Variants in SNX9 observed in about 807,000 individuals in gnomAD.
SNX9 encodes the protein sorting nexin 9.
Under a neutral mutation model 89.4 loss-of-function variants are expected in SNX9, and 44 were observed. The observed-to-expected ratio is 0.49, with a 90% CI of 0.39 to 0.63. The LOEUF (loss-of-function observed/expected upper bound fraction) is 0.63. Ranked by LOEUF, SNX9 falls within the 30% of genes least tolerant of loss-of-function variation. The pLI is 0.00. For synonymous variants in SNX9, 236 were observed against 247.8 expected (o/e 0.95, Z 0.45); for missense variants, 578 against 736.1 (o/e 0.79, Z 2.49).
chr6:157,924,037 A>G lies in SNX9; in HGVS notation c.1080+2376A>G, dbSNP rs374403452. ...ATATGGCGAAACCCTGTCTCTACTAAAAATACAAAAATTCGCCAGGTGTGG... is the reference window on the plus strand; with the variant it reads ...ATATGGCGAAACCCTGTCTCTACTAGAAATACAAAAATTCGCCAGGTGTGG... On this transcript the variant is annotated intron_variant, in intron 10 of 17. Coordinates refer to ENST00000392185, the MANE Select transcript of SNX9 (RefSeq NM_016224.5). 1.2e-4 allele frequency among the ~76,000 whole-genome samples: 19 copies of G among 152,260 alleles called. No homozygotes were observed. The East Asian group carries it at 1.5e-3, about 12-fold the overall frequency.
chr6:157,869,851 C>CCACA (rs140858108), intron 2 of SNX9, among the ~76,000 whole-genome samples: 2 of 152,026 alleles, frequency 1.3e-5, no homozygotes, highest in African/African-American at 4.8e-5. Flanking sequence ...ATGCATACCC[C>CCACA]CACACACACT....
chr6:157,927,121 C>G lies in SNX9; in HGVS notation c.1091C>G (p.Thr364Ser), dbSNP rs1431540916. Residue 364 changes from threonine (T) to serine (S), a missense_variant, in exon 11 of 18, where the codon ACT becomes AGT. Thr to Ser is a moderately conservative substitution (Grantham distance 58). Around this residue, in one of 2 missense-constraint regions of SNX9, gnomAD observed 348 missense variants for 491.4 expected, o/e 0.71. Transcript: ENST00000392185. ...LNFRDEKEWK[T>S]GKRKAERDEL... is the part of the protein sequence containing the mutation. ...CATTCTCATTTACAGGAATGGAAAACTGGAAAGAGGAAGGCCGAGAGAGAT... is the reference window on the plus strand; with the variant it reads ...CATTCTCATTTACAGGAATGGAAAAGTGGAAAGAGGAAGGCCGAGAGAGAT... 1 of 1,613,840 alleles carries G rather than the reference C, an allele frequency of 6.2e-7. No individual in the cohort carries two copies. The highest frequency in any genetic ancestry group is 1.7e-5 in the Admixed American group (1 of 60,024).
chr6:157,919,001 GA>G (rs1013717024), intron 9 of SNX9, among the ~76,000 whole-genome samples: 3 of 151,870 alleles, frequency 2.0e-5, no homozygotes, highest in Non-Finnish European at 4.4e-5. Flanking sequence ...AAACAAATTA[GA>G]AAAAAATATA....
intron 16 of SNX9, 37 bp downstream of exon 16, chr6:157,938,784 G>GC: frequency 6.7e-7 from 1 of 1,496,020 alleles, no homozygotes; most frequent in Non-Finnish European, 9.2e-7. Flanking sequence ...GCTGGTGGAA[G>GC]TTTTTTTTTC....
chr6:157,867,629 A>G lies in SNX9; in HGVS notation c.95A>G (p.Asn32Ser), dbSNP rs1782294139. 6.2e-7 allele frequency: 1 copy of G among 1,610,248 alleles called. No homozygotes were observed. Among genetic ancestry groups the G allele is most frequent in the Non-Finnish European group, 8.5e-7 (1 of 1,177,346 alleles). The change falls in exon 2 of 18, where the codon AAT (asparagine) becomes AGT (serine). Residue 32 changes from asparagine (N) to serine (S), a missense_variant. Transcript: ENST00000392185. Reference protein sequence around the residue: ...VNEGEIITITNPDVGGGWLEG... With the variant: ...VNEGEIITITSPDVGGGWLEG... The stretch of plus-strand genomic sequence containing the variant: ...GAAGGAGAAATCATCACAATCACAA[A>G]TCCGGTAAGAGAACTGTACATTCGA...
At chr6:157,911,281 G>T (rs2115180923) in intron 9 of SNX9, among the ~76,000 whole-genome samples, 1 of 152,278 alleles carries the variant, frequency 6.6e-6, no homozygotes, top group South Asian at 2.1e-4. Flanking sequence ...AGAGAGGCCT[G>T]TAAGAGATGT....
At position 157,945,017 on chromosome 6, in the gene SNX9, C is replaced by G. The variant is rs1418317310; in HGVS notation, c.*2179C>G. ...TTTGATTTTTAATGATTTGTATCAACCTGTAGGTACCACAGAAGAGCTGTA... is the reference window on the plus strand; with the variant it reads ...TTTGATTTTTAATGATTTGTATCAAGCTGTAGGTACCACAGAAGAGCTGTA... On this transcript the variant is annotated 3_prime_UTR_variant, in exon 18 of 18. Coordinates refer to ENST00000392185, the MANE Select transcript of SNX9 (RefSeq NM_016224.5). 6.6e-6 allele frequency: 1 copy of G among 152,138 alleles called. No individual in the cohort carries two copies. The highest frequency in any genetic ancestry group is 1.5e-5 in the Non-Finnish European group (1 of 68,032). 9.4% of individuals were successfully genotyped at this position (152,138 alleles called of 1,614,324 possible).
At chr6:157,828,618 C>G (rs35581170) in intron 1 of SNX9, among the ~76,000 whole-genome samples, 192 of 152,108 alleles carry the variant, frequency 1.3e-3, no homozygotes, top group Non-Finnish European at 2.3e-3. Context: ...CTCAGTCTCC[C>G]AAGTAGCTGG....
At chr6:157,828,342 A>G (rs3805761) in intron 1 of SNX9, among the ~76,000 whole-genome samples, 1 of 152,082 alleles carries the variant, frequency 6.6e-6, no homozygotes, top group East Asian at 1.9e-4. Flanking sequence ...TTTTATATTG[A>G]CCATCTGAAA....
At chr6:157,863,353 G>C (rs1782187029) in intron 1 of SNX9, among the ~76,000 whole-genome samples, 1 of 152,252 alleles carries the variant, frequency 6.6e-6, no homozygotes, top group Non-Finnish European at 1.5e-5. Context: ...GCATTGAATG[G>C]AGAGCTTTGA....
intron 4 of SNX9, among the ~76,000 whole-genome samples, chr6:157,894,449 T>C (rs1435953013): frequency 9.2e-6 from 1 of 108,272 alleles, no homozygotes; most frequent in Non-Finnish European, 1.8e-5. Flanking sequence ...TCCAGACAGA[T>C]ACAAGATTTA....
chr6:157,867,450 T>G, intron 1 of SNX9, 97 bp from the exon 2 acceptor site: 2 of 923,368 alleles, frequency 2.2e-6, no homozygotes, highest in Non-Finnish European at 3.4e-6. Flanking sequence ...CTATCATGTT[T>G]GTACCAGCAT....
chr6:157,871,773 CTTTTT>C (rs750179923), intron 2 of SNX9, among the ~76,000 whole-genome samples: 1 of 122,214 alleles, frequency 8.2e-6, no homozygotes. Context: ...TCAGTCTTAC[CTTTTT>C]TTTTTTTTTT....
At chr6:157,863,862 T>C (rs1782197107) in intron 1 of SNX9, among the ~76,000 whole-genome samples, 1 of 152,234 alleles carries the variant, frequency 6.6e-6, no homozygotes, top group Admixed American at 6.5e-5. Context: ...TCAATATGTT[T>C]TTTTATTGAC....
In SNX9 at chr6:157,873,171, G is replaced by C. The variant is rs557822765; in HGVS notation, c.169G>C (p.Val57Leu). 6.3e-7 allele frequency: 1 copy of C among 1,588,236 alleles called. No individual in the cohort carries two copies. ...GERGLVPTDY[V>L]EILPSDGKDQ... ...ACGAGGGCTGGTTCCCACAGACTAC[G>C]TTGAAGTAAGAGCTTCCTGTCATTC... The change falls in exon 3 of 18, where the codon GTT becomes CTT. Residue 57 changes from valine to leucine, a missense_variant. Physicochemically the swap from Val to Leu is conservative, Grantham distance 32. This residue lies in a region of SNX9 where 230 missense variants were observed against 244.7 expected (regional missense o/e 0.94). Coordinates refer to ENST00000392185, the MANE Select transcript of SNX9 (RefSeq NM_016224.5).
chr6:157,875,939 G>A (rs1246665732), intron 4 of SNX9, among the ~76,000 whole-genome samples: 1 of 151,406 alleles, frequency 6.6e-6, no homozygotes, highest in Non-Finnish European at 1.5e-5. Context: ...GCTGGAGTTC[G>A]AGACAAGCCT....
intron 9 of SNX9, among the ~76,000 whole-genome samples, chr6:157,913,131 C>CT (rs1289644527): frequency 6.6e-6 from 1 of 152,142 alleles, no homozygotes; most frequent in African/African-American, 2.4e-5. Context: ...GGTGAATTGT[C>CT]TTTTTTCCAA....
rs554989178 is a variant in SNX9, at chr6:157,883,283, T to C, written c.300+8107T>C. ...CGGTATAGTGTAACCATAACTGTTA[T>C]GTACACTGGGGGACCAAAAAAGTCC... On this transcript the variant is annotated intron_variant, in intron 4 of 17. Coordinates refer to ENST00000392185, the MANE Select transcript of SNX9 (RefSeq NM_016224.5). 8.5e-5 allele frequency among the ~76,000 whole-genome samples: 13 copies of C among 152,322 alleles called. No individual in the cohort carries two copies. The South Asian group carries it at 1.2e-3, about 15-fold the overall frequency.
At chr6:157,867,239 G>A (rs1396923553) in intron 1 of SNX9, among the ~76,000 whole-genome samples, 1 of 152,178 alleles carries the variant, frequency 6.6e-6, no homozygotes, top group Non-Finnish European at 1.5e-5. Context: ...GCAGGTGTGA[G>A]CTGCTGCACT....
Sources: allele counts gnomAD v4.1 joint callset (sites outside exome capture counted in the v4.1 genomes callset), GRCh38; gene constraint gnomAD v4.1.1; regional missense constraint gnomAD v4.1.1; transcripts MANE v1.5; gene names NCBI Gene and HGNC (gene_info 2026-07-23, HGNC 2026-07-21).